The following UTRN variants were observed in gnomAD, a reference collection of about 807,000 sequenced individuals.
UTRN encodes utrophin, also known as dystrophin-related protein 1.
A neutral mutation model predicts 463.9 loss-of-function variants in UTRN; 283 were observed. The ratio of observed to expected loss-of-function variants is 0.61; its 90% CI spans 0.55 to 0.67. UTRN has a LOEUF of 0.67. UTRN is among the 30% of genes least tolerant of loss of function. UTRN has a pLI of 0.00. For synonymous variants in UTRN, 1,442 were observed against 1,431.5 expected, an observed-to-expected ratio of 1.01 and a Z score of -0.17; for missense variants, 3,922 against 4,084.3, an observed-to-expected ratio of 0.96 and a Z score of 1.08.
At chr6:144,490,450 T>G (rs1792948981) in intron 31 of UTRN, among the ~76,000 whole-genome samples, 1 of 152,202 alleles carries the variant, frequency 6.6e-6, no homozygotes, top group Admixed American at 6.5e-5. Context: ...AGAAGTTAGC[T>G]TTATATACAC....
rs988508101 is a variant in UTRN, at chr6:144,633,692, T to C, written c.7480-44714T>C. ...GAAAAGCAATCTAAGTACCATTTAA[T>C]GGGCTGCACTACACTAATATTCTAT... On this transcript the variant is annotated intron_variant, in intron 51 of 74. Coordinates refer to ENST00000367545, the MANE Select transcript of UTRN (RefSeq NM_007124.3). Among the ~76,000 whole-genome samples the C allele has an allele frequency of 2.6e-5, 4 of 152,196 alleles. No individual in the cohort carries two copies. The East Asian group carries it at 5.8e-4, about 22-fold the overall frequency.
chr6:144,844,530 A>G (rs1233156823), intron 73 of UTRN, among the ~76,000 whole-genome samples: 4 of 152,276 alleles, frequency 2.6e-5, no homozygotes, highest in Non-Finnish European at 5.9e-5. Context: ...TGGCCTCCCA[A>G]ACCGCTGGGA....
At chr6:144,348,858 T>C (rs1051631624) in intron 2 of UTRN, among the ~76,000 whole-genome samples, 4 of 151,898 alleles carry the variant, frequency 2.6e-5, no homozygotes, top group Admixed American at 2.6e-4. Flanking sequence ...TGCTTGAACC[T>C]AGGAGGCAGA....
intron 2 of UTRN, among the ~76,000 whole-genome samples, chr6:144,337,164 G>GACAC (rs925020119): frequency 1.3e-4 from 18 of 135,148 alleles, no homozygotes; most frequent in Non-Finnish European, 4.7e-5. Flanking sequence ...CACACACACA[G>GACAC]ACACACACAC....
intron 58 of UTRN, among the ~76,000 whole-genome samples, chr6:144,769,602 G>T (rs1355481253): frequency 2.0e-5 from 3 of 152,136 alleles, no homozygotes; most frequent in South Asian, 4.1e-4. Flanking sequence ...ATTCCGTAGG[G>T]GTTGTGTGAG....
chr6:144,298,668 C>T (rs1247614429), intron 2 of UTRN, among the ~76,000 whole-genome samples: 1 of 152,158 alleles, frequency 6.6e-6, no homozygotes, highest in East Asian at 1.9e-4. Flanking sequence ...TGAATATTTT[C>T]GAATGAGCCT....
At chr6:144,847,513 G>A (rs1782125381) in intron 74 of UTRN, among the ~76,000 whole-genome samples, 1 of 152,108 alleles carries the variant, frequency 6.6e-6, no homozygotes, top group Non-Finnish European at 1.5e-5. Flanking sequence ...TTATGCATTT[G>A]TCTTATGCTC....
At chr6:144,432,352 CT>C (rs550048956) in intron 9 of UTRN, among the ~76,000 whole-genome samples, 93 of 152,038 alleles carry the variant, frequency 6.1e-4, no homozygotes, top group African/African-American at 2.2e-3. Context: ...ATACAACTCT[CT>C]GTCTCTCTCT....
chr6:144,728,813 A>G (rs1041141238), intron 53 of UTRN, among the ~76,000 whole-genome samples: 1 of 152,262 alleles, frequency 6.6e-6, no homozygotes, highest in Non-Finnish European at 1.5e-5. Flanking sequence ...TATCAAAGTA[A>G]TAATTGTATA....
intron 19 of UTRN, among the ~76,000 whole-genome samples, chr6:144,456,518 T>A (rs978576445): frequency 6.6e-6 from 1 of 151,918 alleles, no homozygotes; most frequent in Non-Finnish European, 1.5e-5. Context: ...CTGGGCATGG[T>A]GGCACATGCC....
intron 53 of UTRN, among the ~76,000 whole-genome samples, chr6:144,717,627 CTTTTTTCTTT>C (rs1358110295): frequency 3.6e-5 from 4 of 112,626 alleles, no homozygotes; most frequent in African/African-American, 4.4e-5. Flanking sequence ...TTTTTCTTTT[CTTTTTTCTTT>C]TTTTTTTTTT....
rs9390204 is a variant in UTRN, at chr6:144,746,077, T to A, written c.7940-2169T>A. Among the ~76,000 whole-genome samples the A allele has an allele frequency of 3.3e-3, 505 of 152,186 alleles. 18 individuals carry two copies. The East Asian group carries it at 0.078, about 24-fold the overall frequency. ...GTACAGTGGCACATTATCGGCTCAC[T>A]GCAACCTCTGCCTCCCGGGGTCAAG... On this transcript the variant is annotated intron_variant, in intron 54 of 74. Coordinates refer to ENST00000367545, the MANE Select transcript of UTRN (RefSeq NM_007124.3).
chr6:144,375,479 G>T (rs181839926), intron 2 of UTRN, among the ~76,000 whole-genome samples: 56 of 152,284 alleles, frequency 3.7e-4, no homozygotes, highest in African/African-American at 1.1e-3. Flanking sequence ...AGCTTAAAGG[G>T]TGTTCTAATT....
intron 65 of UTRN, among the ~76,000 whole-genome samples, chr6:144,814,923 A>G (rs1234439755): frequency 6.6e-6 from 1 of 152,208 alleles, no homozygotes; most frequent in African/African-American, 2.4e-5. Context: ...TGGAATCATC[A>G]ATGTAACTTC....
At chr6:144,712,140 T>C (rs939447881) in intron 53 of UTRN, among the ~76,000 whole-genome samples, 3 of 152,174 alleles carry the variant, frequency 2.0e-5, no homozygotes, top group African/African-American at 7.2e-5. Flanking sequence ...TTTTCCAAGT[T>C]CCTCTCCAAC....
intron 60 of UTRN, among the ~76,000 whole-genome samples, chr6:144,775,000 TTTGTGG>T (rs1178140812): frequency 1.3e-5 from 2 of 152,184 alleles, no homozygotes; most frequent in East Asian, 3.9e-4. Context: ...CTGGATTCTA[TTTGTGG>T]TTGTAGTTCT....
intron 2 of UTRN, chr6:144,398,846 C>T (rs1237045807): frequency 6.6e-6 from 1 of 150,728 alleles, no homozygotes; most frequent in Non-Finnish European, 1.5e-5. Context: ...TAAACTAAAG[C>T]AAAACATATC....
chr6:144,499,327 C>T lies in UTRN; in HGVS notation c.4664C>T (p.Ser1555Phe), dbSNP rs765965881. 77 of 1,613,820 alleles carry T rather than the reference C, an allele frequency of 4.8e-5. No homozygotes were observed. The highest frequency in any genetic ancestry group is 6.2e-5 in the Non-Finnish European group (73 of 1,179,876). ...LARKMKKEAA[S>F]LSEWLSATET... ...CGGAAAATGAAGAAAGAGGCTGCTT[C>T]TCTCTCTGAATGGCTTTCTGCTACT... Residue 1555 changes from serine (S) to phenylalanine (F), a missense_variant, in exon 34 of 75, where the codon TCT (serine) becomes TTT (phenylalanine). Ser to Phe is a radical substitution (Grantham distance 155). This residue lies in a region of UTRN where 2,349 missense variants were observed against 2,303.8 expected (regional missense o/e 1.02). Coordinates refer to ENST00000367545, the MANE Select transcript of UTRN (RefSeq NM_007124.3).
intron 51 of UTRN, among the ~76,000 whole-genome samples, chr6:144,620,832 G>A (rs1775286630): frequency 6.6e-6 from 1 of 152,160 alleles, no homozygotes; most frequent in Non-Finnish European, 1.5e-5. Flanking sequence ...CACTGAGGGA[G>A]AAGAAGGAAA....
Sources: gnomAD v4.1 joint callset for allele counts (sites outside exome capture counted in the v4.1 genomes callset) on GRCh38, gnomAD v4.1.1 for gene constraint, gnomAD v4.1.1 regional missense constraint, MANE v1.5 for transcripts, NCBI Gene and HGNC (gene_info 2026-07-23, HGNC 2026-07-21) for gene names.